BBS9: variants seen among roughly 807,000 people sequenced by gnomAD.
BBS9 encodes the protein Bardet-Biedl syndrome 9.
Under a neutral mutation model 117.7 loss-of-function variants are expected in BBS9, and 89 were observed. The observed-to-expected ratio is 0.76, with a 90% CI of 0.64 to 0.90. The LOEUF (loss-of-function observed/expected upper bound fraction) is 0.90, where lower values mean the gene tolerates loss of function less well. BBS9 is among the 40% of genes least tolerant of loss of function. The pLI, the probability that BBS9 is intolerant of heterozygous loss-of-function variation, is 0.00. For synonymous variants in BBS9, 379 were observed against 370.9 expected, an observed-to-expected ratio of 1.02 and a Z score of -0.25; for missense variants, 982 against 1,042.2, an observed-to-expected ratio of 0.94 and a Z score of 0.80.
intron 5 of BBS9, among the ~76,000 whole-genome samples, chr7:33,222,609 A>G (rs1048908354): frequency 6.6e-6 from 1 of 151,962 alleles, no homozygotes; most frequent in Admixed American, 6.6e-5. Context: ...GCTTTAGAGT[A>G]ATATTTTCAA....
chr7:33,436,001 G>A (rs1476074433), intron 19 of BBS9, among the ~76,000 whole-genome samples: 3 of 152,122 alleles, frequency 2.0e-5, no homozygotes, highest in Non-Finnish European at 2.9e-5. Context: ...ATGACCTTTA[G>A]CAGCCTTCCC....
chr7:33,352,894 GAAA>G (rs772343285), intron 15 of BBS9, 21 bp downstream of exon 15: 4 of 1,605,468 alleles, frequency 2.5e-6, no homozygotes, highest in Non-Finnish European at 3.4e-6. Context: ...AGATAATTTA[GAAA>G]AAAATGAATT....
chr7:33,425,158 C>A (rs1274988184), intron 19 of BBS9, among the ~76,000 whole-genome samples: 1 of 152,106 alleles, frequency 6.6e-6, no homozygotes, highest in Non-Finnish European at 1.5e-5. Context: ...TACCATTCTA[C>A]ATAAATGGAG....
intron 21 of BBS9, among the ~76,000 whole-genome samples, chr7:33,568,876 T>C (rs1362557637): frequency 1.3e-5 from 2 of 152,182 alleles, no homozygotes; most frequent in African/African-American, 4.8e-5. Context: ...AGAGATTGGT[T>C]ACCTATAGGA....
Position 33,152,681 on chromosome 7 carries a change from T to G in BBS9, c.113-20T>G. The G allele has an allele frequency of 6.2e-7, 1 of 1,602,068 alleles. No homozygotes were observed. ...ATGTTTGTTTCTCCCTCTATCTTTTTTTTTTTAAATTCTCTACAGATAAAA... is the reference window on the plus strand; with the variant it reads ...ATGTTTGTTTCTCCCTCTATCTTTTGTTTTTTAAATTCTCTACAGATAAAA... On this transcript the variant is annotated intron_variant, in intron 2 of 22. Transcript: ENST00000242067.
intron 19 of BBS9, among the ~76,000 whole-genome samples, chr7:33,419,664 T>C (rs1181327152): frequency 6.6e-6 from 1 of 152,148 alleles, no homozygotes; most frequent in African/African-American, 2.4e-5. Flanking sequence ...AAGTAGGAAA[T>C]GAAATTTCCT....
intron 21 of BBS9, among the ~76,000 whole-genome samples, chr7:33,618,837 A>G (rs1043322633): frequency 2.0e-5 from 3 of 152,180 alleles, no homozygotes; most frequent in African/African-American, 7.2e-5. Context: ...CCACATACAC[A>G]CATACACACA....
chr7:33,616,493 G>GTATATATATATATATATATA (rs66529823), intron 21 of BBS9, among the ~76,000 whole-genome samples: 3 of 136,420 alleles, frequency 2.2e-5, no homozygotes, highest in Admixed American at 7.5e-5. Flanking sequence ...GTGTGTGTGT[G>GTATATATATATATATATATA]TATATATATA....
At chr7:33,268,723 G>T (rs932541254) in intron 7 of BBS9, among the ~76,000 whole-genome samples, 2 of 152,084 alleles carry the variant, frequency 1.3e-5, no homozygotes, top group African/African-American at 4.8e-5. Context: ...TCCCTAAGTG[G>T]AGGTCACAGA....
chr7:33,256,173 A>C (rs1797034146), intron 5 of BBS9, among the ~76,000 whole-genome samples: 1 of 151,814 alleles, frequency 6.6e-6, no homozygotes, highest in African/African-American at 2.4e-5. Context: ...AACAAAAAAA[A>C]CAAACAAAAA....
At chr7:33,438,966 T>C (rs534076222) in intron 19 of BBS9, among the ~76,000 whole-genome samples, 2 of 152,294 alleles carry the variant, frequency 1.3e-5, no homozygotes, top group Non-Finnish European at 2.9e-5. Flanking sequence ...ACCCACAGGA[T>C]TTTTATCACT....
downstream of BBS9, among the ~76,000 whole-genome samples, chr7:33,609,643 G>A (rs558222603): frequency 4.1e-4 from 62 of 152,182 alleles, no homozygotes; most frequent in African/African-American, 1.2e-3. Flanking sequence ...GCTTTTACAT[G>A]TCTGATGGTC....
At chr7:33,329,830 C>A (rs1813628999) in intron 9 of BBS9, among the ~76,000 whole-genome samples, 1 of 151,944 alleles carries the variant, frequency 6.6e-6, no homozygotes, top group Non-Finnish European at 1.5e-5. Flanking sequence ...ATCAAATATA[C>A]CTTTTTAAAA....
chr7:33,390,782 T>A (rs1826928398), intron 19 of BBS9: 1 of 265,866 alleles, frequency 3.8e-6, no homozygotes, highest in Non-Finnish European at 5.8e-6. Flanking sequence ...TCATTCTTAC[T>A]GTTTTTGTTT....
chr7:33,587,831 A>G (rs760055090), intron 21 of BBS9, among the ~76,000 whole-genome samples: 3 of 152,146 alleles, frequency 2.0e-5, no homozygotes, highest in Non-Finnish European at 4.4e-5. Flanking sequence ...TTATGTTACC[A>G]GAGTGTAAAA....
intron 19 of BBS9, among the ~76,000 whole-genome samples, chr7:33,431,569 GC>G (rs1350326502): frequency 6.6e-6 from 1 of 152,120 alleles, no homozygotes; most frequent in African/African-American, 2.4e-5. Context: ...AGGTTGCCTT[GC>G]CCCTTTTACC....
intron 5 of BBS9, among the ~76,000 whole-genome samples, chr7:33,240,284 A>C (rs1173734459): frequency 2.1e-5 from 3 of 142,042 alleles, no homozygotes; most frequent in Non-Finnish European, 4.5e-5. Flanking sequence ...TTGAGACAGG[A>C]TCTTGCTATG....
At chr7:33,515,309 C>T (rs755110065) in intron 20 of BBS9, among the ~76,000 whole-genome samples, 1 of 152,182 alleles carries the variant, frequency 6.6e-6, no homozygotes, top group South Asian at 2.1e-4. Context: ...AACTTCTTCA[C>T]ATTCAAAGTT....
chr7:33,173,447 G>A (rs1317024163), intron 4 of BBS9, among the ~76,000 whole-genome samples: 1 of 151,786 alleles, frequency 6.6e-6, no homozygotes, highest in Non-Finnish European at 1.5e-5. Flanking sequence ...TGGGCGTGGT[G>A]GCAGGTCCCA....
Sources: allele counts gnomAD v4.1 joint callset (sites outside exome capture counted in the v4.1 genomes callset), GRCh38; gene constraint gnomAD v4.1.1; transcripts MANE v1.5; gene names NCBI Gene and HGNC (gene_info 2026-07-23, HGNC 2026-07-21).